Variants in GRID2 observed in about 807,000 individuals in gnomAD.
GRID2 encodes glutamate ionotropic receptor delta type subunit 2.
GRID2 carries 33 observed loss-of-function variants against 114.8 expected under a neutral mutation model. The ratio of observed to expected loss-of-function variants is 0.29; its 90% CI spans 0.22 to 0.38. GRID2 has a LOEUF of 0.38. Ranked by LOEUF, GRID2 falls within the 10% of genes least tolerant of loss-of-function variation. The pLI is 1.00. For missense variants in GRID2, 1,184 were observed against 1,257.7 expected (o/e 0.94, Z 0.89); for synonymous variants, 505 against 449.9 (o/e 1.12, Z -1.55).
At chr4:93,787,458 G>A (rs1267484552) in intron 1 of GRID2, among the ~76,000 whole-genome samples, 1 of 152,092 alleles carries the variant, frequency 6.6e-6, no homozygotes, top group African/African-American at 2.4e-5. Flanking sequence ...GCATTAAAAA[G>A]AATTATGAGA....
chr4:92,993,251 A>T (rs1277193409), intron 2 of GRID2, among the ~76,000 whole-genome samples: 2 of 151,782 alleles, frequency 1.3e-5, no homozygotes, highest in Non-Finnish European at 1.5e-5. Context: ...GCTATTCTTG[A>T]AAAACAAAGC....
intron 14 of GRID2, among the ~76,000 whole-genome samples, chr4:93,716,511 A>G (rs1041496596): frequency 8.5e-5 from 13 of 152,128 alleles, no homozygotes; most frequent in Non-Finnish European, 1.8e-4. Context: ...AAAAGACAAT[A>G]ATTGTAATAG....
At chr4:92,443,468 G>C (rs1439300768) in intron 1 of GRID2, among the ~76,000 whole-genome samples, 1 of 151,866 alleles carries the variant, frequency 6.6e-6, no homozygotes, top group Non-Finnish European at 1.5e-5. Context: ...CTAGAGAAAA[G>C]AGAGAGTAGA....
At chr4:93,616,878 C>A (rs1397798723) in intron 13 of GRID2, among the ~76,000 whole-genome samples, 1 of 135,474 alleles carries the variant, frequency 7.4e-6, no homozygotes. Flanking sequence ...GCCTGTAGTC[C>A]CAGCTACTCG....
At chr4:92,856,362 T>C (rs545519410) in intron 2 of GRID2, among the ~76,000 whole-genome samples, 4 of 152,220 alleles carry the variant, frequency 2.6e-5, no homozygotes, top group Admixed American at 2.0e-4. Flanking sequence ...CTTACCATTA[T>C]GTTTGGTCTT....
At chr4:93,291,302 A>T (rs2149146006) in intron 8 of GRID2, among the ~76,000 whole-genome samples, 1 of 152,328 alleles carries the variant, frequency 6.6e-6, no homozygotes, top group East Asian at 1.9e-4. Context: ...GATAGGCTTT[A>T]GGGTCAAGGG....
intron 1 of GRID2, among the ~76,000 whole-genome samples, chr4:92,325,712 C>A (rs1300932655): frequency 6.6e-6 from 1 of 151,620 alleles, no homozygotes; most frequent in Non-Finnish European, 1.5e-5. Context: ...AAATAGGAAT[C>A]TTTCCAGTTA....
At chr4:93,090,436 T>C (rs1730688101) in intron 3 of GRID2, among the ~76,000 whole-genome samples, 1 of 152,156 alleles carries the variant, frequency 6.6e-6, no homozygotes, top group African/African-American at 2.4e-5. Flanking sequence ...GCAAAACCTA[T>C]CACCTATAAA....
At chr4:93,798,772 C>A (rs1561007874) in intron 1 of GRID2, among the ~76,000 whole-genome samples, 1 of 152,144 alleles carries the variant, frequency 6.6e-6, no homozygotes, top group Admixed American at 6.6e-5. Flanking sequence ...AATGCCTCTC[C>A]CCACCCTCAG....
At chr4:93,598,575 T>C (rs1473770333) in intron 13 of GRID2, among the ~76,000 whole-genome samples, 1 of 152,230 alleles carries the variant, frequency 6.6e-6, no homozygotes, top group East Asian at 1.9e-4. Flanking sequence ...TGATTAATCT[T>C]ACTTATTTTT....
intron 2 of GRID2, among the ~76,000 whole-genome samples, chr4:92,646,582 A>G (rs1216300660): frequency 6.6e-6 from 1 of 152,174 alleles, no homozygotes; most frequent in African/African-American, 2.4e-5. Context: ...TAGATTTATA[A>G]CCCATCCGGA....
intron 2 of GRID2, among the ~76,000 whole-genome samples, chr4:92,704,725 C>CTCTCTCTCTCTCTCTCTCTT (rs1553918677): frequency 0.13 from 16,862 of 132,928 alleles, 1,257 homozygotes; most frequent in East Asian, 0.29. Context: ...CTCTCTCTTT[C>CTCTCTCTCTCTCTCTCTCTT]TCTCTCTCTC....
At chr4:93,259,926 G>T (rs1750068455) in intron 8 of GRID2, among the ~76,000 whole-genome samples, 1 of 151,722 alleles carries the variant, frequency 6.6e-6, no homozygotes, top group Admixed American at 6.6e-5. Context: ...AAATGAGTAA[G>T]AAGAGAGAGA....
chr4:92,612,548 C>A (rs1429014903), intron 2 of GRID2, among the ~76,000 whole-genome samples: 1 of 151,252 alleles, frequency 6.6e-6, no homozygotes, highest in African/African-American at 2.4e-5. Flanking sequence ...GGATGATTAC[C>A]ATCTTAACAA....
At chr4:93,624,976 G>T (rs1742563955) in intron 13 of GRID2, among the ~76,000 whole-genome samples, 1 of 152,190 alleles carries the variant, frequency 6.6e-6, no homozygotes, top group South Asian at 2.1e-4. Flanking sequence ...TCATTGCAAT[G>T]CCCACCAGGG....
At chr4:93,113,856 C>A (rs1203791490) in intron 4 of GRID2, among the ~76,000 whole-genome samples, 1 of 152,010 alleles carries the variant, frequency 6.6e-6, no homozygotes, top group African/African-American at 2.4e-5. Flanking sequence ...GTGGGAAGAA[C>A]ATTCTAAGCA....
At chr4:93,020,009 T>A (rs1437729816) in intron 2 of GRID2, among the ~76,000 whole-genome samples, 1 of 152,206 alleles carries the variant, frequency 6.6e-6, no homozygotes, top group East Asian at 1.9e-4. Flanking sequence ...TACTTATTAA[T>A]TCTGTGACAC....
chr4:93,629,667 A>C (rs534970485), intron 14 of GRID2, among the ~76,000 whole-genome samples: 21 of 152,290 alleles, frequency 1.4e-4, no homozygotes, highest in Admixed American at 1.2e-3. Flanking sequence ...TTCACTGAAA[A>C]TATAGTATAC....
At chr4:92,890,934 T>C (rs1041075361) in intron 2 of GRID2, among the ~76,000 whole-genome samples, 1 of 152,092 alleles carries the variant, frequency 6.6e-6, no homozygotes, top group Non-Finnish European at 1.5e-5. Flanking sequence ...TATGCAGCCA[T>C]AAAATAGGAT....
Sources: gnomAD v4.1 joint callset for allele counts (sites outside exome capture counted in the v4.1 genomes callset) on GRCh38, gnomAD v4.1.1 for gene constraint, MANE v1.5 for transcripts, NCBI Gene and HGNC (gene_info 2026-07-23, HGNC 2026-07-21) for gene names.